The following UBR1 variants were observed in gnomAD, a reference collection of about 807,000 sequenced individuals.
The protein encoded by UBR1 is E3 ubiquitin-protein ligase UBR1.
UBR1 carries 102 observed loss-of-function variants against 242.1 expected under a neutral mutation model. That is an observed-to-expected ratio of 0.42 (90% CI 0.36 to 0.50). The LOEUF is 0.50. Ranked by LOEUF, UBR1 falls within the 20% of genes least tolerant of loss-of-function variation. The probability of loss-of-function intolerance (pLI) is 0.01; values close to 1 mark genes in which losing one functional copy is unlikely to be tolerated. For synonymous variants in UBR1, 675 were observed against 684.8 expected (o/e 0.99, Z 0.22); for missense variants, 1,772 against 2,101.8 (o/e 0.84, Z 3.07).
chr15:43,024,612 T>C (rs564967083), intron 25 of UBR1, among the ~76,000 whole-genome samples: 6 of 152,222 alleles, frequency 3.9e-5, no homozygotes, highest in Non-Finnish European at 5.9e-5. Flanking sequence ...GTTTTTGTTT[T>C]CATGGGTTTT....
rs2034062902 is a variant in UBR1 at position 43,088,260 on chromosome 15, A to G, written c.82-2020T>C. On this transcript the variant is annotated intron_variant, in intron 1 of 46. Transcript: ENST00000290650. Reference sequence around the variant, plus strand: ...GCCATACTCATCCAAGTGTGAAAATATATATTTACATCCACCAGATGTGCA... The same window carrying G: ...GCCATACTCATCCAAGTGTGAAAATGTATATTTACATCCACCAGATGTGCA... 3.3e-5 allele frequency among the ~76,000 whole-genome samples: 5 copies of G among 152,326 alleles called. No homozygotes were observed. In the South Asian group the frequency reaches 1.0e-3, roughly 32 times the overall value.
chr15:43,072,300 A>C (rs1399136195), intron 4 of UBR1, among the ~76,000 whole-genome samples: 2 of 152,022 alleles, frequency 1.3e-5, no homozygotes, highest in Non-Finnish European at 1.5e-5. Context: ...ACAGTTGCCC[A>C]GGTTGGTCTC....
chr15:43,097,750 C>T (rs962100272), intron 1 of UBR1, among the ~76,000 whole-genome samples: 30 of 152,356 alleles, frequency 2.0e-4, no homozygotes, highest in Non-Finnish European at 2.9e-4. Context: ...CTTCGGAGAA[C>T]TGAAGAGAGT....
At chr15:42,952,690 C>T (rs186134612) in intron 44 of UBR1, among the ~76,000 whole-genome samples, 40 of 152,216 alleles carry the variant, frequency 2.6e-4, no homozygotes, top group African/African-American at 9.6e-4. Flanking sequence ...TAAATGGTGT[C>T]CTGATAATTC....
chr15:43,099,043 A>G (rs572311387), intron 1 of UBR1, among the ~76,000 whole-genome samples: 54 of 152,306 alleles, frequency 3.5e-4, no homozygotes, highest in African/African-American at 1.3e-3. Flanking sequence ...TGTATTTTAA[A>G]GATCCCCTAT....
At chr15:43,077,458 G>C (rs985983577) in intron 3 of UBR1, among the ~76,000 whole-genome samples, 13 of 151,486 alleles carry the variant, frequency 8.6e-5, no homozygotes, top group South Asian at 4.2e-4. Flanking sequence ...CAGCATGCTC[G>C]TTAAGAGTCA....
rs1460576781 is a variant in UBR1 at position 43,061,973 on chromosome 15, GT to G, written c.799-1860del. On this transcript the variant is annotated intron_variant, in intron 6 of 46. Transcript: ENST00000290650. Reference sequence around the variant, plus strand: ...AACCTAGGGAAAAAATGAGTTGGCTGTAAAAAAAAAAATAATAATAACAAGT... The same window carrying G: ...AACCTAGGGAAAAAATGAGTTGGCTGAAAAAAAAAAATAATAATAACAAGT... 2.6e-5 allele frequency among the ~76,000 whole-genome samples: 4 copies of G among 151,334 alleles called. No homozygotes were observed. The East Asian group carries it at 7.7e-4, about 29-fold the overall frequency.
At chr15:42,962,401 G>C (rs938294345) in intron 42 of UBR1, among the ~76,000 whole-genome samples, 3 of 152,162 alleles carry the variant, frequency 2.0e-5, no homozygotes, top group African/African-American at 7.2e-5. Context: ...CAGCAGGCTT[G>C]TCTGGTGGGA....
chr15:43,022,609 G>GT (rs1203666944), intron 26 of UBR1, 93 bp downstream of exon 26: 1 of 902,804 alleles, frequency 1.1e-6, no homozygotes, highest in Non-Finnish European at 1.7e-6. Flanking sequence ...TTAAAACTCT[G>GT]TAAGATATAA....
chr15:43,016,121 A>T (rs1025303979), intron 28 of UBR1, among the ~76,000 whole-genome samples: 1 of 152,212 alleles, frequency 6.6e-6, no homozygotes, highest in Non-Finnish European at 1.5e-5. Context: ...TGCCTTTTAT[A>T]CTCAATGCAG....
chr15:43,025,634 A>C, intron 23 of UBR1: 1 of 547,828 alleles, frequency 1.8e-6, no homozygotes, highest in Admixed American at 3.1e-5. Context: ...CTGATCAAAA[A>C]CTTAGTCTCC....
intron 1 of UBR1, among the ~76,000 whole-genome samples, chr15:43,102,919 A>C (rs969828411): frequency 5.9e-5 from 9 of 152,206 alleles, no homozygotes; most frequent in Non-Finnish European, 1.2e-4. Flanking sequence ...CTGTAATCCC[A>C]CCACTTTGGG....
At chr15:43,045,724 C>G (rs1366940605) in intron 14 of UBR1, among the ~76,000 whole-genome samples, 1 of 152,094 alleles carries the variant, frequency 6.6e-6, no homozygotes, top group Non-Finnish European at 1.5e-5. Flanking sequence ...AGAAAATAAT[C>G]ACAAACAATT....
Position 43,079,167 on chromosome 15 carries a change from C to T in UBR1, c.417+3471G>A, listed in dbSNP as rs2033944262. 2.0e-5 allele frequency among the ~76,000 whole-genome samples: 3 copies of T among 151,206 alleles called. No homozygotes were observed. The South Asian group carries it at 6.3e-4, about 32-fold the overall frequency. ...AGAAAATCAAAACAACGGAACACAA[C>T]TAACATTTAAAACCACAGACCAGGC... On this transcript the variant is annotated intron_variant, in intron 3 of 46. Transcript: ENST00000290650.
At chr15:42,971,199 C>G (rs1013701893) in intron 39 of UBR1, among the ~76,000 whole-genome samples, 3 of 152,174 alleles carry the variant, frequency 2.0e-5, no homozygotes, top group Non-Finnish European at 4.4e-5. Flanking sequence ...TGTTATCAAC[C>G]TGCTTTGGGT....
Position 43,070,248 on chromosome 15 carries a change from TAAAAAAAAAAAAAAAAA to T in UBR1, c.659+530_659+546del, listed in dbSNP as rs746635905. The stretch of plus-strand genomic sequence containing the variant: ...CTACCAGAAATTGCTGAGTTCTAGC[TAAAAAAAAAAAAAAAAA>T]AAAAAAAAAGCTACATCCCTATAAT... On this transcript the variant is annotated intron_variant, in intron 5 of 46. Transcript: ENST00000290650. 1.8e-3 allele frequency among the ~76,000 whole-genome samples: 46 copies of T among 25,234 alleles called. 1 individual carries two copies. The highest frequency in any genetic ancestry group is 6.8e-3 in the African/African-American group (46 of 6,744). 16.6% of individuals were successfully genotyped at this position (25,234 alleles called of 152,430 possible).
intron 32 of UBR1, among the ~76,000 whole-genome samples, chr15:43,000,501 T>A (rs1214994756): frequency 6.6e-6 from 1 of 152,222 alleles, no homozygotes; most frequent in Non-Finnish European, 1.5e-5. Context: ...AGTCACTTTA[T>A]TATGATTTCC....
In UBR1 at chr15:43,059,595, AAAAAAAAAAG is replaced by A. The variant is rs2033658393; in HGVS notation, c.985+97_985+106del. 4 of 1,388,628 alleles carry A rather than the reference AAAAAAAAAAG, an allele frequency of 2.9e-6. No homozygotes were observed. The South Asian group carries it at 4.1e-5, about 14-fold the overall frequency. The allele number at this position is 1,388,628 out of a possible 1,614,324, so 86.0% of individuals were successfully genotyped here. A position where few individuals can be genotyped will look rare whatever the true frequency, so the allele number is the denominator to read the frequency against. Reference sequence around the variant, plus strand: ...TAATCAAAGTGTATAAACCAAAAAAAAAAAAAAAAGAAAAACTTTATTTCATACTCAATGA... The same window carrying A: ...TAATCAAAGTGTATAAACCAAAAAAAAAAAACTTTATTTCATACTCAATGA... On this transcript the variant is annotated intron_variant, in intron 8 of 46. Transcript: ENST00000290650.
intron 14 of UBR1, among the ~76,000 whole-genome samples, chr15:43,044,299 G>C (rs1013060607): frequency 2.0e-5 from 3 of 152,172 alleles, no homozygotes; most frequent in African/African-American, 7.2e-5. Context: ...AGAGGATAAA[G>C]TTAGTAGACA....
Sources: allele counts gnomAD v4.1 joint callset (sites outside exome capture counted in the v4.1 genomes callset), GRCh38; gene constraint gnomAD v4.1.1; transcripts MANE v1.5; gene names NCBI Gene and HGNC (gene_info 2026-07-23, HGNC 2026-07-21).